FAM171A1: variants seen among roughly 807,000 people sequenced by gnomAD.
The protein encoded by FAM171A1 is protein FAM171A1.
In FAM171A1, 23 loss-of-function variants were observed where a neutral mutation model predicts 74.9. The observed-to-expected ratio is 0.31, with a 90% CI of 0.22 to 0.44. The LOEUF (loss-of-function observed/expected upper bound fraction) is 0.44, where lower values mean the gene tolerates loss of function less well. FAM171A1 is among the 20% of genes least tolerant of loss of function. The probability of loss-of-function intolerance (pLI) is 1.00; values close to 1 mark genes in which losing one functional copy is unlikely to be tolerated. For missense variants in FAM171A1, 1,162 were observed against 1,159.2 expected, an observed-to-expected ratio of 1.00 and a Z score of -0.03; for synonymous variants, 527 against 505.7, an observed-to-expected ratio of 1.04 and a Z score of -0.57.
intron 1 of FAM171A1, among the ~76,000 whole-genome samples, chr10:15,329,410 AG>A (rs1483974088): frequency 6.6e-6 from 1 of 152,146 alleles, no homozygotes; most frequent in Non-Finnish European, 1.5e-5. Context: ...GCACTTTGTG[AG>A]GCCAAGGCAG....
intron 1 of FAM171A1, among the ~76,000 whole-genome samples, chr10:15,346,747 C>A (rs2131875607): frequency 6.6e-6 from 1 of 152,298 alleles, no homozygotes; most frequent in Non-Finnish European, 1.5e-5. Context: ...AGACACAGAA[C>A]AAAAATCAAA....
Position 15,212,559 on chromosome 10 carries a change from G to T in FAM171A1, c.*356C>A, listed in dbSNP as rs933099607. 1.9e-5 allele frequency: 5 copies of T among 263,898 alleles called. No individual in the cohort carries two copies. Among genetic ancestry groups the T allele is most frequent in the Non-Finnish European group, 2.9e-5 (4 of 139,434 alleles). 16.3% of individuals were successfully genotyped at this position (263,898 alleles called of 1,614,324 possible). On this transcript the variant is annotated 3_prime_UTR_variant, in exon 8 of 8. Coordinates refer to ENST00000378116, the MANE Select transcript of FAM171A1 (RefSeq NM_001010924.2). ...AAAAATGACTCAAGCGATGCAAAAA[G>T]TTTCATCTGTTCCCAGAATCCGAGG...
chr10:15,367,908 G>C (rs867788712), intron 1 of FAM171A1, among the ~76,000 whole-genome samples: 2 of 152,062 alleles, frequency 1.3e-5, no homozygotes, highest in African/African-American at 2.4e-5. Flanking sequence ...AAGAGTGCTG[G>C]GCTTCAAAAA....
At chr10:15,249,906 T>C (rs1273562181) in intron 4 of FAM171A1, among the ~76,000 whole-genome samples, 1 of 152,232 alleles carries the variant, frequency 6.6e-6, no homozygotes, top group Non-Finnish European at 1.5e-5. Flanking sequence ...TGTGTTGTCA[T>C]AATTTTACAT....
intron 1 of FAM171A1, among the ~76,000 whole-genome samples, chr10:15,346,257 G>A (rs1423955396): frequency 6.6e-6 from 1 of 152,066 alleles, no homozygotes; most frequent in Non-Finnish European, 1.5e-5. Flanking sequence ...CACCATGCCT[G>A]GTTAATTTAT....
chr10:15,269,614 CAA>C (rs1393862248), intron 3 of FAM171A1, among the ~76,000 whole-genome samples: 1 of 152,008 alleles, frequency 6.6e-6, no homozygotes, highest in Non-Finnish European at 1.5e-5. Flanking sequence ...AATAAGAGGG[CAA>C]GAGAGAGGAT....
rs1476836995 is a variant in FAM171A1 at position 15,211,770 on chromosome 10, T to TA, written c.*1144dup. The TA allele has an allele frequency of 1.3e-5, 2 of 151,258 alleles. No individual in the cohort carries two copies. The highest frequency in any genetic ancestry group is 2.4e-5 in the African/African-American group (1 of 40,838). The allele number at this position is 151,258 out of a possible 1,614,324, so 9.4% of individuals were successfully genotyped here. On this transcript the variant is annotated 3_prime_UTR_variant, in exon 8 of 8. Coordinates refer to ENST00000378116, the MANE Select transcript of FAM171A1 (RefSeq NM_001010924.2). ...TACATAAGATTTTCTTTTTTTTTTT[T>TA]AAATTTTTTTTAATAGTCACATTCA...
intron 1 of FAM171A1, among the ~76,000 whole-genome samples, chr10:15,353,658 C>T (rs1267631709): frequency 6.6e-6 from 1 of 152,074 alleles, no homozygotes; most frequent in Non-Finnish European, 1.5e-5. Flanking sequence ...ATGCAGAGTC[C>T]AAAGAAGCCG....
At chr10:15,290,908 G>C (rs1388848545) in intron 1 of FAM171A1, among the ~76,000 whole-genome samples, 1 of 151,684 alleles carries the variant, frequency 6.6e-6, no homozygotes, top group Non-Finnish European at 1.5e-5. Flanking sequence ...GTTTTGTTTT[G>C]TTTAGAGTCT....
chr10:15,370,874 C>CCCGCCGCCGCCGCCGCCGCCGCCG (rs564269771), intron 1 of FAM171A1, 82 bp downstream of exon 1: 1 of 648,552 alleles, frequency 1.5e-6, no homozygotes. Flanking sequence ...CCGGGACCCT[C>CCCGCCGCCGCCGCCGCCGCCGCCG]CCGCCGCCGC....
At chr10:15,306,901 C>T (rs1253062035) in intron 1 of FAM171A1, among the ~76,000 whole-genome samples, 1 of 152,180 alleles carries the variant, frequency 6.6e-6, no homozygotes, top group Non-Finnish European at 1.5e-5. Flanking sequence ...ACTAACACTC[C>T]TGCCAGACCA....
chr10:15,302,414 G>A (rs919390776), intron 1 of FAM171A1, among the ~76,000 whole-genome samples: 1 of 147,284 alleles, frequency 6.8e-6, no homozygotes, highest in Admixed American at 7.0e-5. Context: ...GCAGTGCGCC[G>A]AAATTGCGCC....
chr10:15,276,325 C>T (rs768134882), intron 2 of FAM171A1, among the ~76,000 whole-genome samples: 4 of 152,130 alleles, frequency 2.6e-5, no homozygotes, highest in Non-Finnish European at 4.4e-5. Context: ...AGATTACAGG[C>T]ACCTGCCACC....
intron 4 of FAM171A1, among the ~76,000 whole-genome samples, chr10:15,252,182 A>G (rs918436999): frequency 6.6e-6 from 1 of 152,172 alleles, no homozygotes; most frequent in African/African-American, 2.4e-5. Context: ...AGCTGGGGGA[A>G]GAGTGCGATG....
chr10:15,274,407 C>T (rs926601949), intron 3 of FAM171A1, among the ~76,000 whole-genome samples: 1 of 152,202 alleles, frequency 6.6e-6, no homozygotes, highest in Non-Finnish European at 1.5e-5. Flanking sequence ...AATGGAAGAA[C>T]ACTCCATGCT....
intron 5 of FAM171A1, chr10:15,240,659 A>T: frequency 1.0e-6 from 1 of 956,194 alleles, no homozygotes; most frequent in East Asian, 1.2e-4. Flanking sequence ...TCTCTCTCCT[A>T]AGAGTAAACT....
At chr10:15,268,058 G>A (rs954762356) in intron 3 of FAM171A1, among the ~76,000 whole-genome samples, 2 of 152,194 alleles carry the variant, frequency 1.3e-5, no homozygotes, top group African/African-American at 4.8e-5. Flanking sequence ...AAGAAGGGGT[G>A]CAGGCAGCCG....
intron 5 of FAM171A1, among the ~76,000 whole-genome samples, chr10:15,242,290 T>C (rs1413603135): frequency 6.6e-6 from 1 of 152,212 alleles, no homozygotes; most frequent in Non-Finnish European, 1.5e-5. Flanking sequence ...TCTTATGAAA[T>C]ATGCAGGCTT....
chr10:15,245,599 G>A (rs771579733), intron 5 of FAM171A1, among the ~76,000 whole-genome samples: 1 of 152,212 alleles, frequency 6.6e-6, no homozygotes, highest in African/African-American at 2.4e-5. Flanking sequence ...TTTCACAGTG[G>A]AAGAAACTAG....
Sources: allele counts gnomAD v4.1 joint callset (sites outside exome capture counted in the v4.1 genomes callset), GRCh38; gene constraint gnomAD v4.1.1; transcripts MANE v1.5; gene names NCBI Gene and HGNC (gene_info 2026-07-23, HGNC 2026-07-21).